Variants in CTNNA3 observed in about 807,000 individuals in gnomAD.
CTNNA3 encodes the protein catenin alpha-3.
A neutral mutation model predicts 95.7 loss-of-function variants in CTNNA3; 76 were observed. That is an observed-to-expected ratio of 0.79 (90% CI 0.66 to 0.96). CTNNA3 has a LOEUF of 0.96. Ranked by LOEUF, CTNNA3 falls within the 40% of genes least tolerant of loss-of-function variation. CTNNA3 has a pLI of 0.00. For synonymous variants in CTNNA3, 431 were observed against 374.4 expected, an observed-to-expected ratio of 1.15 and a Z score of -1.74; for missense variants, 1,191 against 1,089.8, an observed-to-expected ratio of 1.09 and a Z score of -1.31.
intron 3 of CTNNA3, among the ~76,000 whole-genome samples, chr10:67,552,091 G>C (rs118084196): frequency 1.3e-5 from 2 of 152,138 alleles, no homozygotes; most frequent in African/African-American, 2.4e-5. Context: ...ATTGATAGCC[G>C]CTAGTGTCCA....
intron 5 of CTNNA3, among the ~76,000 whole-genome samples, chr10:67,258,476 T>C (rs1350681805): frequency 6.6e-6 from 1 of 152,164 alleles, no homozygotes; most frequent in Non-Finnish European, 1.5e-5. Flanking sequence ...CTTGTCATAA[T>C]ACCCAAATTT....
intron 12 of CTNNA3, among the ~76,000 whole-genome samples, chr10:66,360,792 C>CTTTCTTTCTTT (rs2092661682): frequency 2.3e-5 from 1 of 43,916 alleles, no homozygotes; most frequent in African/African-American, 8.1e-5. Context: ...TTTCTTCCTT[C>CTTTCTTTCTTT]CTTCCTTCCT....
At chr10:65,940,706 C>T (rs1311955800) in intron 17 of CTNNA3, among the ~76,000 whole-genome samples, 2 of 152,120 alleles carry the variant, frequency 1.3e-5, no homozygotes, top group Admixed American at 6.5e-5. Context: ...AAAAATTATA[C>T]TCTAAGCAGT....
At chr10:67,661,240 CAAAA>C (rs894815460) in intron 1 of CTNNA3, among the ~76,000 whole-genome samples, 1 of 35,224 alleles carries the variant, frequency 2.8e-5, no homozygotes, top group Non-Finnish European at 5.8e-5. Context: ...TTTACTAAAA[CAAAA>C]AAAAAAGAGA....
intron 15 of CTNNA3, among the ~76,000 whole-genome samples, chr10:66,008,401 C>G (rs921857414): frequency 1.3e-5 from 2 of 152,192 alleles, no homozygotes; most frequent in Non-Finnish European, 2.9e-5. Context: ...AAGACTGTGC[C>G]TGTTCCATGG....
intron 13 of CTNNA3, among the ~76,000 whole-genome samples, chr10:66,177,009 A>G (rs543248979): frequency 7.4e-4 from 112 of 152,240 alleles, no homozygotes; most frequent in Admixed American, 2.1e-3. Flanking sequence ...TTAGAGAACT[A>G]AGCGAAGGAG....
intron 5 of CTNNA3, among the ~76,000 whole-genome samples, chr10:67,508,180 T>G (rs1479747466): frequency 6.6e-6 from 1 of 152,116 alleles, no homozygotes; most frequent in African/African-American, 2.4e-5. Context: ...CACCTGCTAA[T>G]TTTTGTATTT....
At chr10:66,065,235 T>TTTTTG (rs1554838577) in intron 15 of CTNNA3, among the ~76,000 whole-genome samples, 1 of 140,540 alleles carries the variant, frequency 7.1e-6, no homozygotes, top group Non-Finnish European at 1.6e-5. Context: ...AAATGGTTTT[T>TTTTTG]TTTTGTTTTG....
intron 10 of CTNNA3, among the ~76,000 whole-genome samples, chr10:66,546,600 G>A (rs895473442): frequency 2.0e-5 from 3 of 152,098 alleles, no homozygotes; most frequent in African/African-American, 7.2e-5. Context: ...GGGAAGCAAG[G>A]CACCTTCTTC....
intron 13 of CTNNA3, among the ~76,000 whole-genome samples, chr10:66,108,678 G>C (rs1477135249): frequency 2.0e-5 from 3 of 151,862 alleles, no homozygotes; most frequent in Non-Finnish European, 4.4e-5. Flanking sequence ...ATGAAAATAG[G>C]GATGTTGTTT....
At chr10:66,437,875 G>A (rs899826968) in intron 11 of CTNNA3, among the ~76,000 whole-genome samples, 1 of 152,082 alleles carries the variant, frequency 6.6e-6, no homozygotes, top group African/African-American at 2.4e-5. Flanking sequence ...CTTTGGATGG[G>A]GTTTTTGCGT....
intron 5 of CTNNA3, among the ~76,000 whole-genome samples, chr10:67,322,115 G>GAA (rs11415843): frequency 2.1e-4 from 31 of 150,676 alleles, no homozygotes; most frequent in Middle Eastern, 3.4e-3. Flanking sequence ...GCTTATACTT[G>GAA]AAAAAAAAAG....
At chr10:66,551,646 ATAAAATACTTTG>A (rs1842219119) in intron 10 of CTNNA3, among the ~76,000 whole-genome samples, 1 of 152,086 alleles carries the variant, frequency 6.6e-6, no homozygotes, top group African/African-American at 2.4e-5. Context: ...TGTGTGTTTG[ATAAAATACTTTG>A]TAACATGTGG....
chr10:67,669,662 A>G (rs1334384601), intron 1 of CTNNA3, among the ~76,000 whole-genome samples: 1 of 152,234 alleles, frequency 6.6e-6, no homozygotes, highest in African/African-American at 2.4e-5. Flanking sequence ...GCTAATTACC[A>G]TGCCAAATAA....
At chr10:66,097,256 C>G (rs1037255572) in intron 14 of CTNNA3, among the ~76,000 whole-genome samples, 1 of 152,072 alleles carries the variant, frequency 6.6e-6, no homozygotes, top group Admixed American at 6.6e-5. Context: ...ACCAAGTAGT[C>G]CCATATCAGG....
At chr10:66,189,770 T>C (rs113947476) in intron 13 of CTNNA3, among the ~76,000 whole-genome samples, 7,150 of 151,748 alleles carry the variant, frequency 0.047, 211 homozygotes, top group African/African-American at 0.066. Context: ...ATGTTACCTT[T>C]ATTTTCCGTA....
intron 7 of CTNNA3, among the ~76,000 whole-genome samples, chr10:66,947,265 G>A (rs1398649606): frequency 6.6e-6 from 1 of 152,054 alleles, no homozygotes; most frequent in Admixed American, 6.6e-5. Flanking sequence ...CTCTCTAATG[G>A]GGTATCTTGT....
intron 6 of CTNNA3, among the ~76,000 whole-genome samples, chr10:67,197,626 C>G (rs1863440295): frequency 6.6e-6 from 1 of 151,978 alleles, no homozygotes; most frequent in Non-Finnish European, 1.5e-5. Flanking sequence ...GAGGTCTTCC[C>G]CATATTCTCT....
rs1210482029 is a variant in CTNNA3 at position 67,296,934 on chromosome 10, C to CAAAAAAAAAAAAAAA, written c.580-77079_580-77065dup. 1.7e-3 allele frequency among the ~76,000 whole-genome samples: 30 copies of CAAAAAAAAAAAAAAA among 17,664 alleles called. 5 individuals carry two copies. The highest frequency in any genetic ancestry group is 3.8e-3 in the African/African-American group (19 of 5,024). 11.6% of individuals were successfully genotyped at this position (17,664 alleles called of 152,430 possible). A position where few individuals can be genotyped will look rare whatever the true frequency, so the allele number is the denominator to read the frequency against. On this transcript the variant is annotated intron_variant, in intron 5 of 17. Transcript: ENST00000433211. Reference sequence around the variant, plus strand: ...GGGCAACAAGAATGAAACGCTGTCTCAAAAAAAAAAAAAAAAAAAAAAAAA... The same window carrying CAAAAAAAAAAAAAAA: ...GGGCAACAAGAATGAAACGCTGTCTCAAAAAAAAAAAAAAAAAAAAAAAAAAAAAAAAAAAAAAAA...
Sources: gnomAD v4.1 joint callset for allele counts (sites outside exome capture counted in the v4.1 genomes callset) on GRCh38, gnomAD v4.1.1 for gene constraint, MANE v1.5 for transcripts, NCBI Gene and HGNC (gene_info 2026-07-23, HGNC 2026-07-21) for gene names.